The following CTTNBP2NL variants were observed in gnomAD, a reference collection of about 807,000 sequenced individuals.
The protein encoded by CTTNBP2NL is CTTNBP2 N-terminal like.
In CTTNBP2NL, 16 loss-of-function variants were observed where a neutral mutation model predicts 32.5. That is an observed-to-expected ratio of 0.49 (90% CI 0.33 to 0.75). The LOEUF (loss-of-function observed/expected upper bound fraction) is 0.75, where lower values mean the gene tolerates loss of function less well. Among genes scored for constraint, CTTNBP2NL ranks in the 30% least tolerant of loss-of-function variants. CTTNBP2NL has a pLI of 0.02. For synonymous variants in CTTNBP2NL, 298 were observed against 289.4 expected (o/e 1.03, Z -0.30); for missense variants, 645 against 756.0 (o/e 0.85, Z 1.72).
At position 112,453,613 on chromosome 1, in the gene CTTNBP2NL, G is replaced by C. The variant is rs548746331; in HGVS notation, c.331-836G>C. Among the ~76,000 whole-genome samples the C allele has an allele frequency of 8.5e-5, 13 of 152,208 alleles. No individual in the cohort carries two copies. The East Asian group carries it at 2.5e-3, about 29-fold the overall frequency. On this transcript the variant is annotated intron_variant, in intron 4 of 5. Transcript: ENST00000271277. ...CAAAAAATACTAAAATCAGCTGGGC[G>C]TGGTGGCGCACACCTGTAGTCCCAG...
rs1557900195 is a variant in CTTNBP2NL at position 112,457,292 on chromosome 1, C to T, written c.1800C>T (p.Thr600=). 2 of 1,614,136 alleles carry T rather than the reference C, an allele frequency of 1.2e-6. No homozygotes were observed. The highest frequency in any genetic ancestry group is 1.7e-6 in the Non-Finnish European group (2 of 1,180,002). The part of the protein sequence containing the change: ...TPSPSATTPL[T]KTHSQAASLT... ...CTCCATCTGCTACCACTCCATTGAC[C>T]AAAACTCATTCCCAGGCAGCCTCTT... The change falls in exon 6 of 6, where the codon ACC becomes ACT. Residue 600 remains threonine, a synonymous_variant. Coordinates refer to ENST00000271277, the MANE Select transcript of CTTNBP2NL (RefSeq NM_018704.3).
chr1:112,452,335 C>CTTTTTTTTTTT (rs1157736195), intron 4 of CTTNBP2NL, among the ~76,000 whole-genome samples: 2 of 65,688 alleles, frequency 3.0e-5, no homozygotes, highest in African/African-American at 1.2e-4. Context: ...CCAGTCTCTT[C>CTTTTTTTTTTT]TTTTTTTTTT....
rs1202207047 is a variant in CTTNBP2NL at position 112,460,388 on chromosome 1, G to A, written c.*2976G>A. On this transcript the variant is annotated 3_prime_UTR_variant, in exon 6 of 6. Transcript: ENST00000271277. ...ACCCATCCAGGTTAGACTCCATAAG[G>A]AACTAAGACATTGATTTTCTTTAGA... 1 of 152,126 alleles carries A rather than the reference G, an allele frequency of 6.6e-6. No homozygotes were observed. Among genetic ancestry groups the A allele is most frequent in the African/African-American group, 2.4e-5 (1 of 41,418 alleles). The allele number at this position is 152,126 out of a possible 1,614,324, so 9.4% of individuals were successfully genotyped here.
rs1169233352 is a variant in CTTNBP2NL at position 112,460,362 on chromosome 1, G to C, written c.*2950G>C. On this transcript the variant is annotated 3_prime_UTR_variant, in exon 6 of 6. Transcript: ENST00000271277. ...CTTTGACAAAACAAATGAAGTCAAT[G>C]ACCCATCCAGGTTAGACTCCATAAG... The C allele has an allele frequency of 6.6e-6, 1 of 152,152 alleles. No individual in the cohort carries two copies. The highest frequency in any genetic ancestry group is 1.5e-5 in the Non-Finnish European group (1 of 68,032). The allele number at this position is 152,152 out of a possible 1,614,324, so 9.4% of individuals were successfully genotyped here.
rs565537691 is a variant in CTTNBP2NL at position 112,445,482 on chromosome 1, A to G, written c.100-3460A>G. Among the ~76,000 whole-genome samples, 5 of 152,234 alleles carry G rather than the reference A, an allele frequency of 3.3e-5. No homozygotes were observed. The South Asian group carries it at 1.0e-3, about 32-fold the overall frequency. ...TGAAAAATACCATGTTCTGTCTCCCATGTTCCAGTCCAGTGTTTGATATAA... is the reference window on the plus strand; with the variant it reads ...TGAAAAATACCATGTTCTGTCTCCCGTGTTCCAGTCCAGTGTTTGATATAA... On this transcript the variant is annotated intron_variant, in intron 3 of 5. Transcript: ENST00000271277.
chr1:112,393,691 T>C (rs939229378), upstream of CTTNBP2NL, among the ~76,000 whole-genome samples: 1 of 152,154 alleles, frequency 6.6e-6, no homozygotes, highest in Non-Finnish European at 1.5e-5. Context: ...AGGAAAGCAA[T>C]CTGAACACCC....
chr1:112,454,796 G>A (rs905185341), intron 5 of CTTNBP2NL, among the ~76,000 whole-genome samples: 2 of 152,136 alleles, frequency 1.3e-5, no homozygotes, highest in African/African-American at 4.8e-5. Flanking sequence ...GCAAATCCAT[G>A]GTTTTATAAA....
intron 3 of CTTNBP2NL, among the ~76,000 whole-genome samples, chr1:112,420,117 C>T (rs1649180341): frequency 6.7e-6 from 1 of 148,876 alleles, no homozygotes; most frequent in African/African-American, 2.5e-5. Context: ...TTTGTGGCCA[C>T]ATTTTAATAT....
chr1:112,425,989 GTGTGTGTGTGTGTGTC>G (rs916156541), intron 3 of CTTNBP2NL, among the ~76,000 whole-genome samples: 23 of 132,626 alleles, frequency 1.7e-4, no homozygotes, highest in African/African-American at 3.3e-4. Flanking sequence ...GTGTGTGTGT[GTGTGTGTGTGTGTGTC>G]TGTCTGTCTT....
chr1:112,391,541 C>T (rs563857517), upstream of CTTNBP2NL, among the ~76,000 whole-genome samples: 1 of 152,100 alleles, frequency 6.6e-6, no homozygotes, highest in Non-Finnish European at 1.5e-5. Context: ...TACATCAGAT[C>T]GCTTGGATAC....
chr1:112,437,632 T>A (rs1649774157), intron 3 of CTTNBP2NL, among the ~76,000 whole-genome samples: 1 of 152,170 alleles, frequency 6.6e-6, no homozygotes, highest in African/African-American at 2.4e-5. Flanking sequence ...CAAGTGATTC[T>A]CCTGCCTCAG....
Position 112,457,098 on chromosome 1 carries a change from C to G in CTTNBP2NL, c.1606C>G (p.Leu536Val). 1.2e-6 allele frequency: 2 copies of G among 1,614,190 alleles called. No individual in the cohort carries two copies. Among genetic ancestry groups the G allele is most frequent in the Non-Finnish European group, 1.7e-6 (2 of 1,180,048 alleles). Residue 536 changes from leucine (L) to valine (V), a missense_variant, in exon 6 of 6, where the codon CTA becomes GTA. Transcript: ENST00000271277. ...TCCCTTTGGCACAGACTATCGAAATCTAGCCAACACTGCCAATCCAAGAGG... is the reference window on the plus strand; with the variant it reads ...TCCCTTTGGCACAGACTATCGAAATGTAGCCAACACTGCCAATCCAAGAGG... ...SSPFGTDYRN[L>V]ANTANPRGDT...
chr1:112,448,879 G>A, intron 3 of CTTNBP2NL, 63 bp from the exon 4 acceptor site: 1 of 918,894 alleles, frequency 1.1e-6, no homozygotes, highest in Non-Finnish European at 1.8e-6. Flanking sequence ...CCACTGGATA[G>A]CAAATCCCCC....
chr1:112,432,452 A>G (rs991488536), intron 3 of CTTNBP2NL, among the ~76,000 whole-genome samples: 6 of 152,196 alleles, frequency 3.9e-5, no homozygotes, highest in Non-Finnish European at 8.8e-5. Context: ...TGGGATGTCA[A>G]GGAAACTGGA....
intron 5 of CTTNBP2NL, among the ~76,000 whole-genome samples, chr1:112,455,249 T>C (rs764594797): frequency 2.3e-4 from 35 of 152,080 alleles, no homozygotes; most frequent in Non-Finnish European, 4.4e-4. Context: ...TTCACGCCTG[T>C]AATCCCAGCA....
At position 112,448,162 on chromosome 1, in the gene CTTNBP2NL, CTCA is replaced by C. The variant is rs1463826895; in HGVS notation, c.100-776_100-774del. Among the ~76,000 whole-genome samples, 4 of 152,280 alleles carry C rather than the reference CTCA, an allele frequency of 2.6e-5. No homozygotes were observed. The East Asian group carries it at 7.7e-4, about 29-fold the overall frequency. On this transcript the variant is annotated intron_variant, in intron 3 of 5. Transcript: ENST00000271277. ...CTTTCTTACATGCTCATCCCCAAGG[CTCA>C]TCAAGCCTTGAAAGAGACAGAAAAG...
At chr1:112,414,012 C>T (rs1648977993) in intron 2 of CTTNBP2NL, among the ~76,000 whole-genome samples, 1 of 151,858 alleles carries the variant, frequency 6.6e-6, no homozygotes, top group Admixed American at 6.6e-5. Context: ...TGCACCATTG[C>T]TCTCCAGCCT....
chr1:112,444,566 G>C (rs1429985503), intron 3 of CTTNBP2NL, among the ~76,000 whole-genome samples: 2 of 152,116 alleles, frequency 1.3e-5, no homozygotes, highest in Non-Finnish European at 2.9e-5. Flanking sequence ...TTTTTCTGCT[G>C]TCTGAAATTA....
Position 112,456,244 on chromosome 1 carries a change from C to A in CTTNBP2NL, c.752C>A (p.Ala251Glu). 6.2e-7 allele frequency: 1 copy of A among 1,613,966 alleles called. No individual in the cohort carries two copies. Among genetic ancestry groups the A allele is most frequent in the Non-Finnish European group, 8.5e-7 (1 of 1,180,006 alleles). The change falls in exon 6 of 6, where the codon GCA becomes GAA. Residue 251 changes from alanine (A) to glutamate (E), a missense_variant. Ala to Glu is a moderately radical substitution (Grantham distance 107, BLOSUM62 -1). Transcript: ENST00000271277. ...EFDIEREQLR[A>E]KLNREENRTK... The stretch of plus-strand genomic sequence containing the variant: ...GACATCGAAAGGGAACAACTGAGAG[C>A]AAAACTGAACCGAGAAGAGAACCGG...
Sources: gnomAD v4.1 joint callset for allele counts (sites outside exome capture counted in the v4.1 genomes callset) on GRCh38, gnomAD v4.1.1 for gene constraint, MANE v1.5 for transcripts, NCBI Gene and HGNC (gene_info 2026-07-23, HGNC 2026-07-21) for gene names.